Variants in WNT2B observed in about 807,000 individuals in gnomAD.
The protein encoded by WNT2B is protein Wnt-2b.
WNT2B carries 19 observed loss-of-function variants against 40.5 expected under a neutral mutation model. The observed-to-expected ratio is 0.47, with a 90% CI of 0.33 to 0.69. WNT2B has a LOEUF of 0.69. Ranked by LOEUF, WNT2B falls within the 30% of genes least tolerant of loss-of-function variation. The probability of loss-of-function intolerance (pLI) is 0.02; values close to 1 mark genes in which losing one functional copy is unlikely to be tolerated. For missense variants in WNT2B, 467 were observed against 556.4 expected (o/e 0.84, Z 1.62); for synonymous variants, 220 against 211.9 (o/e 1.04, Z -0.33).
intron 1 of WNT2B, among the ~76,000 whole-genome samples, chr1:112,473,768 C>T (rs1456275817): frequency 6.6e-6 from 1 of 151,778 alleles, no homozygotes; most frequent in African/African-American, 2.4e-5. Context: ...CAAGAAACAT[C>T]ATAATCGGCT....
chr1:112,467,990 C>A (rs1369829431), intron 1 of WNT2B, among the ~76,000 whole-genome samples: 2 of 152,216 alleles, frequency 1.3e-5, no homozygotes, highest in South Asian at 2.1e-4. Context: ...ACTCTGGTAT[C>A]TATCATTCTA....
At chr1:112,498,086 C>A (rs545098523) in intron 1 of WNT2B, among the ~76,000 whole-genome samples, 1 of 150,002 alleles carries the variant, frequency 6.7e-6, no homozygotes, top group East Asian at 2.0e-4. Flanking sequence ...TCCCCCCCAA[C>A]CCCCGATAGG....
In WNT2B at chr1:112,516,395, A is replaced by G. The variant is rs1652544027; in HGVS notation, c.659A>G (p.His220Arg). 2 of 1,613,410 alleles carry G rather than the reference A, an allele frequency of 1.2e-6. No homozygotes were observed. The highest frequency in any genetic ancestry group is 8.5e-7 in the Non-Finnish European group (1 of 1,179,914). ...LKDARALMNL[H>R]NNRCGRTAVR... ...GATGCCCGGGCCCTCATGAACTTAC[A>G]TAATAACCGCTGTGGTCGCACGGTC... Residue 220 changes from histidine to arginine, a missense_variant, in exon 3 of 5, where the codon CAT becomes CGT. Physicochemically the swap from His to Arg is conservative, Grantham distance 29 (BLOSUM62 0). Coordinates refer to ENST00000369684, the MANE Select transcript of WNT2B (RefSeq NM_024494.3).
At chr1:112,512,079 A>G (rs149630635) in intron 1 of WNT2B, among the ~76,000 whole-genome samples, 3,267 of 147,690 alleles carry the variant, frequency 0.022, 54 homozygotes, top group Non-Finnish European at 0.033. Context: ...AGGAGGAAAG[A>G]AAAAAAAAAA....
upstream of WNT2B, among the ~76,000 whole-genome samples, chr1:112,505,390 C>G (rs1164908187): frequency 6.6e-6 from 1 of 152,202 alleles, no homozygotes; most frequent in Admixed American, 6.5e-5. Flanking sequence ...ATTTAGGATA[C>G]CCTGGCCAGT....
chr1:112,490,776 C>A (rs546706637), intron 1 of WNT2B, among the ~76,000 whole-genome samples: 7 of 152,050 alleles, frequency 4.6e-5, no homozygotes, highest in Non-Finnish European at 7.4e-5. Context: ...GGCGTGAGCC[C>A]CCGCGCCCGG....
In WNT2B at chr1:112,523,607, C is replaced by T. The variant is rs1465911404; in HGVS notation, c.*3098C>T. 6.6e-6 allele frequency: 1 copy of T among 152,166 alleles called. No individual in the cohort carries two copies. 9.4% of individuals were successfully genotyped at this position (152,166 alleles called of 1,614,324 possible). ...CTCTGCTTCTAATCACCCCTTCTCC[C>T]AGCCCTCTTCTATTTGATAGAGGTC... On this transcript the variant is annotated 3_prime_UTR_variant, in exon 5 of 5. Coordinates refer to ENST00000369684, the MANE Select transcript of WNT2B (RefSeq NM_024494.3).
chr1:112,494,062 C>A (rs925654923), intron 1 of WNT2B, among the ~76,000 whole-genome samples: 2 of 151,976 alleles, frequency 1.3e-5, no homozygotes, highest in African/African-American at 4.8e-5. Context: ...GTAATCCCAG[C>A]ACTTTGGGAG....
chr1:112,506,542 A>G (rs975626253), upstream of WNT2B, among the ~76,000 whole-genome samples: 1 of 152,122 alleles, frequency 6.6e-6, no homozygotes, highest in African/African-American at 2.4e-5. Context: ...ACCCAGGTCT[A>G]AACACACAGG....
At position 112,471,585 on chromosome 1, in the gene WNT2B, C is replaced by T. The variant is rs929778105; in HGVS notation, c.-95+3994C>T. Among the ~76,000 whole-genome samples the T allele has an allele frequency of 3.9e-5, 6 of 152,072 alleles. No homozygotes were observed. The East Asian group carries it at 5.8e-4, about 15-fold the overall frequency. The stretch of plus-strand genomic sequence containing the variant: ...TTTTTGAGAGATTTCTGTGGTTTGC[C>T]GTCACTTCCATGAGTTTATGCTAGC... On this transcript the variant is annotated intron_variant, in intron 1 of 4. Transcript: ENST00000256640.
chr1:112,488,775 C>T (rs1401206658), intron 1 of WNT2B, among the ~76,000 whole-genome samples: 3 of 151,926 alleles, frequency 2.0e-5, no homozygotes, highest in Non-Finnish European at 2.9e-5. Context: ...AGGATGGTCT[C>T]GATCTCCTGA....
chr1:112,474,790 G>A (rs1046037289), intron 1 of WNT2B, among the ~76,000 whole-genome samples: 1 of 152,204 alleles, frequency 6.6e-6, no homozygotes, highest in African/African-American at 2.4e-5. Context: ...TGGATCATGA[G>A]CATGGATCCT....
chr1:112,478,501 G>A, intron 1 of WNT2B, among the ~76,000 whole-genome samples: 1 of 151,956 alleles, frequency 6.6e-6, no homozygotes, highest in East Asian at 1.9e-4. Context: ...AGACTCGATG[G>A]GACTATTGGA....
chr1:112,506,799 GCCTGTTGGC>G (rs1170795924), upstream of WNT2B, among the ~76,000 whole-genome samples: 1 of 152,218 alleles, frequency 6.6e-6, no homozygotes, highest in Non-Finnish European at 1.5e-5. Flanking sequence ...AAATAAGTTA[GCCTGTTGGC>G]CACAAAGGAT....
chr1:112,478,333 G>A (rs1169307565), intron 1 of WNT2B, among the ~76,000 whole-genome samples: 3 of 152,044 alleles, frequency 2.0e-5, no homozygotes, highest in African/African-American at 7.2e-5. Context: ...AATCTTGAGA[G>A]AGATATAGAC....
chr1:112,509,094 CT>C lies in WNT2B; in HGVS notation c.-168del, dbSNP rs1329537170. On this transcript the variant is annotated 5_prime_UTR_variant, in exon 1 of 5. Transcript: ENST00000369684. This position sits in a 1 kb window ranked among gnomAD's most constrained non-coding sequence, Gnocchi z 4.2. ...CTTCCGGACATCGCAACTTGCGCCC[CT>C]CTCGGGGATCCTCCTCCCGGGCTCT... The C allele has an allele frequency of 2.4e-5, 32 of 1,356,896 alleles. No homozygotes were observed. The highest frequency in any genetic ancestry group is 3.1e-5 in the African/African-American group (2 of 64,950). The allele number at this position is 1,356,896 out of a possible 1,614,324, so 84.1% of individuals were successfully genotyped here. A position where few individuals can be genotyped will look rare whatever the true frequency, so the allele number is the denominator to read the frequency against.
upstream of WNT2B, chr1:112,508,813 G>A (rs1652222990): frequency 1.0e-6 from 1 of 990,516 alleles, no homozygotes; most frequent in Non-Finnish European, 1.2e-6. This position sits in a 1 kb window ranked among gnomAD's most constrained non-coding sequence, Gnocchi z 4.2. Context: ...GCGCGCGGGA[G>A]CCCCGAGGGG....
In WNT2B at chr1:112,525,254, G is replaced by C. The variant is rs1325805910; in HGVS notation, c.*4745G>C. 4 of 152,158 alleles carry C rather than the reference G, an allele frequency of 2.6e-5. No homozygotes were observed. Among genetic ancestry groups the C allele is most frequent in the Non-Finnish European group, 4.4e-5 (3 of 68,030 alleles). The allele number at this position is 152,158 out of a possible 1,614,324, so 9.4% of individuals were successfully genotyped here. ...AAAACTGGAGAGCTTTGGATTCCAG[G>C]GATGATCTCCATAAGAGAGAAGCAC... is the stretch of plus-strand genomic sequence containing the variant. On this transcript the variant is annotated 3_prime_UTR_variant, in exon 5 of 5. Transcript: ENST00000369684.
At chr1:112,492,943 T>C (rs943353728) in intron 1 of WNT2B, among the ~76,000 whole-genome samples, 1 of 152,180 alleles carries the variant, frequency 6.6e-6, no homozygotes, top group African/African-American at 2.4e-5. Flanking sequence ...TAAATGCCTA[T>C]TTACAGCATT....
Sources: allele counts gnomAD v4.1 joint callset (sites outside exome capture counted in the v4.1 genomes callset), GRCh38; gene constraint gnomAD v4.1.1; non-coding constraint Gnocchi (gnomAD v3.1); transcripts MANE v1.5; gene names NCBI Gene and HGNC (gene_info 2026-07-23, HGNC 2026-07-21).